Variants in FGGY observed in about 807,000 individuals in gnomAD.
FGGY encodes FGGY carbohydrate kinase domain containing.
Under a neutral mutation model 71.3 loss-of-function variants are expected in FGGY, and 72 were observed. That is an observed-to-expected ratio of 1.01 (90% CI 0.84 to 1.23). The LOEUF (loss-of-function observed/expected upper bound fraction) is 1.23, where lower values mean the gene tolerates loss of function less well. Among genes scored for constraint, FGGY ranks in the 50% most tolerant of loss-of-function variants. The pLI is 0.00. For missense variants in FGGY, 668 were observed against 682.3 expected, an observed-to-expected ratio of 0.98 and a Z score of 0.23; for synonymous variants, 251 against 250.3, an observed-to-expected ratio of 1.00 and a Z score of -0.02.
At chr1:59,677,113 G>C (rs567531619) in intron 14 of FGGY, among the ~76,000 whole-genome samples, 6 of 152,274 alleles carry the variant, frequency 3.9e-5, no homozygotes, top group African/African-American at 1.4e-4. Flanking sequence ...ATGTAGACTT[G>C]GCGTCATTTG....
chr1:59,616,456 G>C (rs1018421293), intron 9 of FGGY, among the ~76,000 whole-genome samples: 3 of 152,042 alleles, frequency 2.0e-5, no homozygotes, highest in Non-Finnish European at 2.9e-5. Context: ...ACAGGAATGG[G>C]AACATCATAC....
At chr1:59,469,606 C>T (rs1357084593) in intron 6 of FGGY, among the ~76,000 whole-genome samples, 1 of 151,698 alleles carries the variant, frequency 6.6e-6, no homozygotes, top group Non-Finnish European at 1.5e-5. Context: ...TTTTTTTTAA[C>T]TTTTAAGTTC....
chr1:59,312,376 A>G (rs1288646304), intron 1 of FGGY, among the ~76,000 whole-genome samples: 6 of 152,170 alleles, frequency 3.9e-5, no homozygotes, highest in Admixed American at 6.5e-5. Context: ...GACTCTTTCA[A>G]CATTTCAGTT....
intron 1 of FGGY, among the ~76,000 whole-genome samples, chr1:59,311,050 CAGGT>C (rs1475259592): frequency 6.6e-6 from 1 of 152,070 alleles, no homozygotes; most frequent in Non-Finnish European, 1.5e-5. Flanking sequence ...ATCGTGACAT[CAGGT>C]AGTCTGTATT....
At chr1:59,354,377 C>T (rs1454274678) in intron 4 of FGGY, among the ~76,000 whole-genome samples, 2 of 152,172 alleles carry the variant, frequency 1.3e-5, no homozygotes, top group African/African-American at 4.8e-5. Flanking sequence ...CTGTGCCCAG[C>T]CTAATTATTG....
At chr1:59,380,874 A>G (rs1454343889) in intron 5 of FGGY, among the ~76,000 whole-genome samples, 4 of 151,492 alleles carry the variant, frequency 2.6e-5, no homozygotes, top group East Asian at 3.8e-4. Context: ...GCCCATGCCT[A>G]TGTCCTGAAT....
chr1:59,342,691 G>A (rs902303991), intron 3 of FGGY, among the ~76,000 whole-genome samples: 7 of 152,266 alleles, frequency 4.6e-5, no homozygotes, highest in East Asian at 1.9e-4. Flanking sequence ...GCATGGCAGC[G>A]ACCAACTCTT....
At chr1:59,613,099 C>T (rs368940912) in intron 9 of FGGY, among the ~76,000 whole-genome samples, 2 of 152,052 alleles carry the variant, frequency 1.3e-5, no homozygotes, top group South Asian at 2.1e-4. Context: ...CGAGACAGAA[C>T]GTTAACAAGG....
intron 6 of FGGY, among the ~76,000 whole-genome samples, chr1:59,467,965 A>G (rs927404589): frequency 1.3e-5 from 2 of 151,754 alleles, no homozygotes; most frequent in Non-Finnish European, 2.9e-5. Context: ...ATGCAAGGGC[A>G]TAGTCTCGGC....
At chr1:59,545,823 G>C (rs551082128) in intron 7 of FGGY, among the ~76,000 whole-genome samples, 1 of 152,322 alleles carries the variant, frequency 6.6e-6, no homozygotes, top group South Asian at 2.1e-4. Context: ...TTAAACTGCA[G>C]TATGCATGGT....
At chr1:59,530,262 GC>G (rs2095104932) in intron 7 of FGGY, among the ~76,000 whole-genome samples, 3 of 152,096 alleles carry the variant, frequency 2.0e-5, no homozygotes, top group African/African-American at 7.2e-5. Context: ...CTGTCACCCA[GC>G]ACTGCTAACT....
At chr1:59,597,521 C>A (rs1256241194) in intron 8 of FGGY, among the ~76,000 whole-genome samples, 1 of 152,114 alleles carries the variant, frequency 6.6e-6, no homozygotes, top group South Asian at 2.1e-4. Flanking sequence ...AAAAGTTAAA[C>A]CCCCACATGA....
intron 1 of FGGY, among the ~76,000 whole-genome samples, chr1:59,302,757 A>G (rs1227029532): frequency 6.6e-6 from 1 of 152,220 alleles, no homozygotes; most frequent in African/African-American, 2.4e-5. Flanking sequence ...AAGTATTTAA[A>G]TAAAATTGAA....
chr1:59,563,445 T>C (rs1237566755), intron 8 of FGGY, among the ~76,000 whole-genome samples: 1 of 152,056 alleles, frequency 6.6e-6, no homozygotes, highest in Admixed American at 6.6e-5. Context: ...TCACAATTGC[T>C]ACAAAGAGAA....
At chr1:59,394,215 C>T (rs1486936901) in intron 5 of FGGY, among the ~76,000 whole-genome samples, 1 of 152,208 alleles carries the variant, frequency 6.6e-6, no homozygotes, top group African/African-American at 2.4e-5. Context: ...ATAAAAGGGA[C>T]CTACATCCTC....
chr1:59,357,140 T>C (rs563589015), intron 4 of FGGY, among the ~76,000 whole-genome samples: 1 of 152,294 alleles, frequency 6.6e-6, no homozygotes, highest in Admixed American at 6.5e-5. Flanking sequence ...ACACAGAATG[T>C]TGAGGCTGAT....
intron 8 of FGGY, among the ~76,000 whole-genome samples, chr1:59,592,276 C>T (rs564491092): frequency 9.9e-4 from 150 of 151,718 alleles, no homozygotes; most frequent in African/African-American, 3.6e-3. Flanking sequence ...ATTAAAAAGT[C>T]AGGAAACAAC....
At chr1:59,566,438 G>A (rs544271697) in intron 8 of FGGY, among the ~76,000 whole-genome samples, 1 of 152,114 alleles carries the variant, frequency 6.6e-6, no homozygotes, top group Non-Finnish European at 1.5e-5. Context: ...CTTAAGAGCT[G>A]TCAGAAGTTT....
intron 14 of FGGY, among the ~76,000 whole-genome samples, chr1:59,707,895 G>A (rs941848372): frequency 5.9e-5 from 9 of 152,144 alleles, no homozygotes; most frequent in Non-Finnish European, 1.0e-4. Flanking sequence ...TTGAATAGGT[G>A]TTTACCCACT....
Sources: allele counts gnomAD v4.1 joint callset (sites outside exome capture counted in the v4.1 genomes callset), GRCh38; gene constraint gnomAD v4.1.1; transcripts MANE v1.5; gene names NCBI Gene and HGNC (gene_info 2026-07-23, HGNC 2026-07-21).